Variants in UNC79 observed in about 807,000 individuals in gnomAD.
The protein encoded by UNC79 is protein unc-79 homolog.
Under a neutral mutation model 283.1 loss-of-function variants are expected in UNC79, and 37 were observed. The observed-to-expected ratio is 0.13, with a 90% CI of 0.10 to 0.17. UNC79 has a LOEUF of 0.17. UNC79 is among the 10% of genes least tolerant of loss of function. The pLI is 1.00. For missense variants in UNC79, 2,272 were observed against 3,211.1 expected, an observed-to-expected ratio of 0.71 and a Z score of 7.07; for synonymous variants, 1,107 against 1,200.2, an observed-to-expected ratio of 0.92 and a Z score of 1.61.
At position 93,430,775 on chromosome 14, in the gene UNC79, A is replaced by AC. The variant is rs2055843984; in HGVS notation, c.-254dup. ...TCAACGCGGGCAGCTCCAGGAGGGG[A>AC]CGGACAGGAAGCCTTTGGCCGCCTA... On this transcript the variant is annotated 5_prime_UTR_variant, in exon 1 of 49. Transcript: ENST00000555664. This position sits in a 1 kb window ranked among gnomAD's most constrained non-coding sequence, Gnocchi z 4.6. 1 of 413,612 alleles carries AC rather than the reference A, an allele frequency of 2.4e-6. No homozygotes were observed. Among genetic ancestry groups the AC allele is most frequent in the Middle Eastern group, 7.0e-4 (1 of 1,436 alleles). 25.6% of individuals were successfully genotyped at this position (413,612 alleles called of 1,614,324 possible).
chr14:93,345,686 G>A (rs897880265), intron 1 of UNC79, among the ~76,000 whole-genome samples: 4 of 152,050 alleles, frequency 2.6e-5, no homozygotes, highest in Non-Finnish European at 5.9e-5. Context: ...GAGGTGACCC[G>A]CTAAGAAGGG....
At chr14:93,691,629 C>G in intron 45 of UNC79, 120 bp from the exon 49 acceptor site, 1 of 976,578 alleles carries the variant, frequency 1.0e-6, no homozygotes, top group Non-Finnish European at 1.6e-6. Context: ...TCTGAGATAA[C>G]GTTATGCCTT....
chr14:93,698,827 T>C (rs1030323315), intron 47 of UNC79, among the ~76,000 whole-genome samples: 2 of 152,190 alleles, frequency 1.3e-5, no homozygotes, highest in Non-Finnish European at 2.9e-5. Flanking sequence ...TTATCTTGAT[T>C]GTGGTGCATG....
intron 41 of UNC79, among the ~76,000 whole-genome samples, chr14:93,679,041 G>A (rs1003422152): frequency 1.3e-5 from 2 of 152,132 alleles, no homozygotes; most frequent in Admixed American, 6.5e-5. Flanking sequence ...GATATTTTAT[G>A]TGTAATAGGT....
At chr14:93,545,628 A>G (rs1387703598) in intron 14 of UNC79, among the ~76,000 whole-genome samples, 1 of 152,204 alleles carries the variant, frequency 6.6e-6, no homozygotes, top group African/African-American at 2.4e-5. Context: ...CTGGCTCCAT[A>G]AAGTCAATCT....
chr14:93,400,382 G>C (rs558369973), intron 1 of UNC79, among the ~76,000 whole-genome samples: 2 of 148,816 alleles, frequency 1.3e-5, no homozygotes, highest in African/African-American at 5.2e-5. Context: ...GGTTGATGTG[G>C]GTTATGTAGT....
At chr14:93,353,079 C>T (rs971322494) in intron 1 of UNC79, among the ~76,000 whole-genome samples, 1 of 152,244 alleles carries the variant, frequency 6.6e-6, no homozygotes, top group Non-Finnish European at 1.5e-5. Flanking sequence ...CCTTATTCCA[C>T]TGTTCCCACC....
chr14:93,507,740 G>T (rs2059617108), intron 7 of UNC79, among the ~76,000 whole-genome samples: 1 of 151,944 alleles, frequency 6.6e-6, no homozygotes, highest in South Asian at 2.1e-4. Flanking sequence ...TATCATTTTT[G>T]CTCTTATGGT....
At chr14:93,622,225 T>A in exon 30 of UNC79, 4 of 1,614,124 alleles carry the variant, frequency 2.5e-6, no homozygotes, top group Non-Finnish European at 3.4e-6. Flanking sequence ...GTAAAAATGC[T>A]GCCTCTTCTC....
intron 1 of UNC79, among the ~76,000 whole-genome samples, chr14:93,383,626 C>G (rs980034050): frequency 3.3e-5 from 5 of 152,016 alleles, no homozygotes; most frequent in Admixed American, 1.3e-4. Flanking sequence ...GCTGGTGTTG[C>G]CTTGATGTTG....
chr14:93,591,703 G>A lies in UNC79; in HGVS notation c.3033-1977G>A, dbSNP rs542834686. On this transcript the variant is annotated intron_variant, in intron 22 of 48. Transcript: ENST00000555664. ...TTTTCCTAGCAACGTCGTGACTTTT[G>A]TCTGCTTTCTGGGAGCACTTCCAGC... 5.3e-5 allele frequency among the ~76,000 whole-genome samples: 8 copies of A among 152,356 alleles called. No homozygotes were observed. The South Asian group carries it at 1.7e-3, about 32-fold the overall frequency.
At chr14:93,397,102 A>T (rs2055014239) in intron 1 of UNC79, 1 of 133,854 alleles carries the variant, frequency 7.5e-6, no homozygotes, top group African/African-American at 2.9e-5. Flanking sequence ...CTCATCAGGC[A>T]GTTATGAATT....
At chr14:93,680,044 A>G (rs185002101) in intron 41 of UNC79, among the ~76,000 whole-genome samples, 1 of 152,328 alleles carries the variant, frequency 6.6e-6, no homozygotes, top group Non-Finnish European at 1.5e-5. Context: ...AAAAAAGATG[A>G]TTTCTGAGGC....
chr14:93,692,327 T>C (rs540657014), intron 46 of UNC79, among the ~76,000 whole-genome samples: 2 of 152,212 alleles, frequency 1.3e-5, no homozygotes, highest in Non-Finnish European at 2.9e-5. Flanking sequence ...TCTCAAAACT[T>C]TTATATTGAT....
intron 1 of UNC79, among the ~76,000 whole-genome samples, chr14:93,357,669 A>T (rs1376197565): frequency 8.5e-6 from 1 of 117,156 alleles, no homozygotes; most frequent in African/African-American, 3.1e-5. Context: ...ACTACTTAAT[A>T]AACTCCCATA....
At chr14:93,515,015 C>T (rs567947534) in intron 7 of UNC79, among the ~76,000 whole-genome samples, 30 of 152,230 alleles carry the variant, frequency 2.0e-4, no homozygotes, top group African/African-American at 4.1e-4. Context: ...ACCTTTCTCT[C>T]GTACATCCTT....
intron 1 of UNC79, among the ~76,000 whole-genome samples, chr14:93,395,152 T>C (rs1386936599): frequency 6.6e-6 from 1 of 152,246 alleles, no homozygotes; most frequent in Admixed American, 6.5e-5. Flanking sequence ...AGGGTTCTTT[T>C]ATTTAATTCT....
At chr14:93,454,105 G>A (rs1405775895) in intron 1 of UNC79, among the ~76,000 whole-genome samples, 1 of 149,908 alleles carries the variant, frequency 6.7e-6, no homozygotes. Context: ...GAGTGCAATG[G>A]TGCCATCATG....
intron 1 of UNC79, among the ~76,000 whole-genome samples, chr14:93,403,407 C>CT: frequency 6.6e-6 from 1 of 152,302 alleles, no homozygotes; most frequent in Admixed American, 6.5e-5. Context: ...AAGTAGACAG[C>CT]TTTTTTATCT....
Sources: allele counts gnomAD v4.1 joint callset (sites outside exome capture counted in the v4.1 genomes callset), GRCh38; gene constraint gnomAD v4.1.1; non-coding constraint Gnocchi (gnomAD v3.1); transcripts MANE v1.5; gene names NCBI Gene and HGNC (gene_info 2026-07-23, HGNC 2026-07-21).